The following F2 variants were observed in gnomAD, a reference collection of about 807,000 sequenced individuals.
F2 encodes the protein coagulation factor II, thrombin.
Under a neutral mutation model 81.9 loss-of-function variants are expected in F2, and 34 were observed. The ratio of observed to expected loss-of-function variants is 0.42; its 90% CI spans 0.32 to 0.55. F2 has a LOEUF of 0.55. Ranked by LOEUF, F2 falls within the 20% of genes least tolerant of loss-of-function variation. The pLI is 0.18. For synonymous variants in F2, 296 were observed against 326.4 expected (o/e 0.91, Z 1.01); for missense variants, 630 against 833.4 (o/e 0.76, Z 3.00).
chr11:46,721,812 G>A (rs1188999349), intron 4 of F2, among the ~76,000 whole-genome samples: 1 of 151,480 alleles, frequency 6.6e-6, no homozygotes, highest in East Asian at 1.9e-4. Flanking sequence ...TTATAAGTGT[G>A]AGCCACCATG....
intron 12 of F2, among the ~76,000 whole-genome samples, chr11:46,737,833 TGCTA>T (rs1468652249): frequency 2.0e-5 from 3 of 148,280 alleles, no homozygotes; most frequent in Non-Finnish European, 2.9e-5. Flanking sequence ...GCTGTTCTCT[TGCTA>T]GCTTTTTTTT....
At chr11:46,729,340 G>A in intron 11 of F2, 40 bp from the exon 12 acceptor site, 2 of 1,600,420 alleles carry the variant, frequency 1.2e-6, no homozygotes, top group Non-Finnish European at 1.7e-6. Flanking sequence ...CGGCTCCTGT[G>A]GGGGTTGGCT....
At chr11:46,735,781 A>T (rs2064940455) in intron 12 of F2, among the ~76,000 whole-genome samples, 1 of 151,298 alleles carries the variant, frequency 6.6e-6, no homozygotes, top group Non-Finnish European at 1.5e-5. Flanking sequence ...AATTAGCCAG[A>T]CATGGAGGCA....
chr11:46,726,423 G>A lies in F2; in HGVS notation c.875-75G>A. On this transcript the variant is annotated intron_variant, in intron 7 of 13. Transcript: ENST00000311907. The surrounding 1 kb of genome is among the most constrained non-coding windows in gnomAD (Gnocchi z 5.9). ...CACCAAATGGCCTCCAAGGCCCGTA[G>A]GGGAATTGGGGGGATCTAGGGGATG... The A allele has an allele frequency of 6.4e-7, 1 of 1,571,346 alleles. No homozygotes were observed. The highest frequency in any genetic ancestry group is 8.6e-7 in the Non-Finnish European group (1 of 1,159,294).
chr11:46,726,237 G>T lies in F2; in HGVS notation c.874+64G>T. 1.9e-6 allele frequency: 3 copies of T among 1,592,228 alleles called. No individual in the cohort carries two copies. Among genetic ancestry groups the T allele is most frequent in the Non-Finnish European group, 1.7e-6 (2 of 1,169,456 alleles). On this transcript the variant is annotated intron_variant, in intron 7 of 13. Transcript: ENST00000311907. This position sits in a 1 kb window ranked among gnomAD's most constrained non-coding sequence, Gnocchi z 5.9. ...AATCCTGGTGGGAATAACAACAGCC[G>T]CTTCTGCTTATCGAACGCTTACCTC...
In F2 at chr11:46,726,250, G is replaced by A. The variant is rs1009115537; in HGVS notation, c.874+77G>A. 13 of 1,573,474 alleles carry A rather than the reference G, an allele frequency of 8.3e-6. No individual in the cohort carries two copies. The East Asian group carries it at 9.0e-5, about 11-fold the overall frequency. On this transcript the variant is annotated intron_variant, in intron 7 of 13. Coordinates refer to ENST00000311907, the MANE Select transcript of F2 (RefSeq NM_000506.5). The surrounding 1 kb of genome is among the most constrained non-coding windows in gnomAD (Gnocchi z 5.9). The stretch of plus-strand genomic sequence containing the variant: ...ATAACAACAGCCGCTTCTGCTTATC[G>A]AACGCTTACCTCATTGAGTGCGCTC...
At chr11:46,727,778 C>A (rs1254873914) in intron 9 of F2, among the ~76,000 whole-genome samples, 1 of 151,738 alleles carries the variant, frequency 6.6e-6, no homozygotes, top group Non-Finnish European at 1.5e-5. Context: ...GACCCTGTCT[C>A]AAAAATAAAT....
chr11:46,730,029 G>A (rs761966177), intron 12 of F2, among the ~76,000 whole-genome samples: 2 of 152,070 alleles, frequency 1.3e-5, no homozygotes, highest in African/African-American at 4.8e-5. Context: ...GAGAGAGAAC[G>A]GCTGATGAAG....
chr11:46,725,442 G>C (rs758996842), intron 6 of F2, among the ~76,000 whole-genome samples: 2 of 151,976 alleles, frequency 1.3e-5, no homozygotes, highest in Non-Finnish European at 2.9e-5. Flanking sequence ...CCATACACAC[G>C]CACACACATT....
intron 4 of F2, among the ~76,000 whole-genome samples, chr11:46,722,286 A>C (rs186645736): frequency 1.5e-4 from 23 of 152,344 alleles, no homozygotes; most frequent in Admixed American, 1.3e-3. Flanking sequence ...AGAGAACAAA[A>C]ATACAAAATA....
At chr11:46,730,498 G>C (rs2064904422) in intron 12 of F2, among the ~76,000 whole-genome samples, 1 of 151,492 alleles carries the variant, frequency 6.6e-6, no homozygotes. Flanking sequence ...CTGGGGAGCA[G>C]TAGGGAGGCC....
intron 12 of F2, among the ~76,000 whole-genome samples, chr11:46,731,388 C>T (rs2064910964): frequency 6.6e-6 from 1 of 151,746 alleles, no homozygotes; most frequent in Admixed American, 6.6e-5. Context: ...ACCATGTTGG[C>T]CAGGCTGGTC....
chr11:46,737,704 CTGG>C (rs2134546154), intron 12 of F2, among the ~76,000 whole-genome samples: 1 of 152,254 alleles, frequency 6.6e-6, no homozygotes, highest in East Asian at 1.9e-4. Context: ...TCCCAAAGTG[CTGG>C]TATTACGGGC....
At chr11:46,737,756 T>C (rs1270563388) in intron 12 of F2, among the ~76,000 whole-genome samples, 1 of 151,974 alleles carries the variant, frequency 6.6e-6, no homozygotes, top group Non-Finnish European at 1.5e-5. Flanking sequence ...TATTTTTCTA[T>C]TGTGGTTCAT....
chr11:46,732,142 C>T (rs1387008193), intron 12 of F2, among the ~76,000 whole-genome samples: 1 of 151,722 alleles, frequency 6.6e-6, no homozygotes, highest in Non-Finnish European at 1.5e-5. Flanking sequence ...TCTCGAACTC[C>T]TGACCTTGTG....
chr11:46,724,413 T>TCTGCTCCA (rs1338618065), intron 6 of F2, among the ~76,000 whole-genome samples: 1 of 152,168 alleles, frequency 6.6e-6, no homozygotes, highest in Non-Finnish European at 1.5e-5. Context: ...TGGGCCTAGA[T>TCTGCTCCA]CTGCTCCACG....
chr11:46,728,265 A>AC lies in F2; in HGVS notation c.1298+108dup. ...CCGGGACACATAGGATGTTCTGTATACCCCCCAGAATATAACATCCCAGCA... is the reference window on the plus strand; with the variant it reads ...CCGGGACACATAGGATGTTCTGTATACCCCCCCAGAATATAACATCCCAGCA... On this transcript the variant is annotated intron_variant, in intron 10 of 13. Transcript: ENST00000311907. The surrounding 1 kb of genome is among the most constrained non-coding windows in gnomAD (Gnocchi z 5.1). 1.6e-6 allele frequency: 2 copies of AC among 1,251,240 alleles called. No individual in the cohort carries two copies. Among genetic ancestry groups the AC allele is most frequent in the Non-Finnish European group, 2.3e-6 (2 of 879,234 alleles). 77.5% of individuals were successfully genotyped at this position (1,251,240 alleles called of 1,614,324 possible). A position where few individuals can be genotyped will look rare whatever the true frequency, so the allele number is the denominator to read the frequency against.
At position 46,728,842 on chromosome 11, in the gene F2, GC is replaced by G; in HGVS notation, c.1472+7del. ...CGACAGGGAGACGGCAGCCAGGTGG[GC>G]CACCAGATGCTTGTTAGCTGAGGGG... On this transcript the variant is annotated splice_donor_region_variant and intron_variant, in intron 11 of 13. Coordinates refer to ENST00000311907, the MANE Select transcript of F2 (RefSeq NM_000506.5). This position sits in a 1 kb window ranked among gnomAD's most constrained non-coding sequence, Gnocchi z 5.1. 2 of 1,613,174 alleles carry G rather than the reference GC, an allele frequency of 1.2e-6. No homozygotes were observed. Among genetic ancestry groups the G allele is most frequent in the Non-Finnish European group, 1.7e-6 (2 of 1,179,756 alleles).
chr11:46,738,968 C>T (rs1422480277), intron 12 of F2, 80 bp from the exon 13 acceptor site: 2 of 1,442,504 alleles, frequency 1.4e-6, no homozygotes, highest in African/African-American at 2.8e-5. Flanking sequence ...TAAGTGGACT[C>T]TCACCAGCTG....
Sources: gnomAD v4.1 joint callset for allele counts (sites outside exome capture counted in the v4.1 genomes callset) on GRCh38, gnomAD v4.1.1 for gene constraint, Gnocchi (gnomAD v3.1) non-coding constraint, MANE v1.5 for transcripts, NCBI Gene and HGNC (gene_info 2026-07-23, HGNC 2026-07-21) for gene names.